The following LAMA3 variants were observed in gnomAD, a reference collection of about 807,000 sequenced individuals.
LAMA3 encodes laminin subunit alpha-3.
A neutral mutation model predicts 402.0 loss-of-function variants in LAMA3; 281 were observed. The observed-to-expected ratio is 0.70, with a 90% CI of 0.63 to 0.77. The LOEUF (loss-of-function observed/expected upper bound fraction) is 0.77, where lower values mean the gene tolerates loss of function less well. LAMA3 is among the 30% of genes least tolerant of loss of function. LAMA3 has a pLI of 0.00. For missense variants in LAMA3, 3,840 were observed against 4,215.5 expected, an observed-to-expected ratio of 0.91 and a Z score of 2.47; for synonymous variants, 1,431 against 1,558.4, an observed-to-expected ratio of 0.92 and a Z score of 1.93.
intron 7 of LAMA3, among the ~76,000 whole-genome samples, chr18:23,761,701 AT>A (rs952735981): frequency 7.9e-5 from 12 of 151,930 alleles, no homozygotes; most frequent in South Asian, 2.1e-4. Context: ...ATTTGGATGT[AT>A]TTTTTTTGAC....
chr18:23,904,091 A>G lies in LAMA3; in HGVS notation c.6473+4A>G. On this transcript the variant is annotated splice_donor_region_variant and intron_variant, in intron 50 of 74. Coordinates refer to ENST00000313654, the MANE Select transcript of LAMA3 (RefSeq NM_198129.4). The stretch of plus-strand genomic sequence containing the variant: ...AGCTGGCAAAGCAGCTGGAAGAGTG[A>G]GTGCATGGCCCAGGAGACCAGAAGG... The G allele has an allele frequency of 6.2e-7, 1 of 1,613,346 alleles. No homozygotes were observed. Among genetic ancestry groups the G allele is most frequent in the Middle Eastern group, 1.9e-4 (1 of 5,384 alleles).
At chr18:23,876,925 G>T (rs938575242) in intron 39 of LAMA3, among the ~76,000 whole-genome samples, 1 of 152,208 alleles carries the variant, frequency 6.6e-6, no homozygotes, top group African/African-American at 2.4e-5. Flanking sequence ...GGAGACTGAG[G>T]CAGGAGAATT....
At chr18:23,883,242 A>G (rs2064960941) in intron 40 of LAMA3, among the ~76,000 whole-genome samples, 1 of 152,178 alleles carries the variant, frequency 6.6e-6, no homozygotes, top group Non-Finnish European at 1.5e-5. Context: ...GTTCTGAGCC[A>G]CTGAGTGATC....
chr18:23,760,461 G>C (rs2061945756), intron 7 of LAMA3, among the ~76,000 whole-genome samples: 2 of 151,750 alleles, frequency 1.3e-5, no homozygotes, highest in Admixed American at 6.6e-5. Flanking sequence ...TAGTCACCTG[G>C]GAAATTGATT....
At chr18:23,901,454 A>G (rs2081069595) in intron 48 of LAMA3, 131 bp downstream of exon 48, 1 of 750,886 alleles carries the variant, frequency 1.3e-6, no homozygotes, top group African/African-American at 1.7e-5. Context: ...GACCCAGATC[A>G]GACAGGAACA....
intron 12 of LAMA3, among the ~76,000 whole-genome samples, chr18:23,795,427 G>C (rs1366989254): frequency 6.6e-6 from 1 of 152,206 alleles, no homozygotes; most frequent in African/African-American, 2.4e-5. Context: ...TCATGAAAAA[G>C]AGTTAAATTA....
intron 52 of LAMA3, among the ~76,000 whole-genome samples, chr18:23,906,805 T>C (rs2145173957): frequency 6.6e-6 from 1 of 152,366 alleles, no homozygotes; most frequent in Middle Eastern, 3.4e-3. Context: ...CGAGGTAGGC[T>C]CAGTGTGCTA....
chr18:23,946,346 G>C, intron 70 of LAMA3, 62 bp downstream of exon 70: 1 of 1,503,078 alleles, frequency 6.7e-7, no homozygotes, highest in Non-Finnish European at 9.3e-7. Flanking sequence ...AGGCATAATT[G>C]TATGAGATAT....
intron 61 of LAMA3, 56 bp from the exon 62 acceptor site, chr18:23,921,396 T>C: frequency 6.3e-7 from 1 of 1,585,102 alleles, no homozygotes; most frequent in Non-Finnish European, 8.6e-7. Flanking sequence ...TGAACCCCTG[T>C]GAATAGGATT....
At chr18:23,783,923 T>G in intron 11 of LAMA3, 100 bp from the exon 12 acceptor site, 1 of 1,441,998 alleles carries the variant, frequency 6.9e-7, no homozygotes, top group Non-Finnish European at 9.8e-7. Flanking sequence ...CATAGATAAT[T>G]AATAATCTAT....
intron 64 of LAMA3, among the ~76,000 whole-genome samples, chr18:23,930,724 A>AAAT (rs535316372): frequency 3.9e-5 from 6 of 152,104 alleles, no homozygotes; most frequent in South Asian, 4.1e-4. Flanking sequence ...ACTCTGTCTC[A>AAAT]AATAATAATA....
intron 74 of LAMA3, 64 bp downstream of exon 74, chr18:23,953,173 A>G (rs2082981156): frequency 9.4e-6 from 15 of 1,602,014 alleles, no homozygotes; most frequent in Non-Finnish European, 1.2e-5. Flanking sequence ...TCACTTCTTA[A>G]TTAGTGGCAG....
At chr18:23,890,912 T>C (rs1468456632) in intron 42 of LAMA3, among the ~76,000 whole-genome samples, 2 of 152,186 alleles carry the variant, frequency 1.3e-5, no homozygotes, top group East Asian at 3.9e-4. Flanking sequence ...GATGGAAATA[T>C]AGAAAGCATG....
intron 32 of LAMA3, among the ~76,000 whole-genome samples, chr18:23,854,888 G>A (rs995232560): frequency 7.3e-5 from 11 of 151,618 alleles, no homozygotes; most frequent in Non-Finnish European, 1.3e-4. Flanking sequence ...GGGAGGCTGA[G>A]GCAGGAGAAT....
chr18:23,819,137 C>T (rs764682627), intron 18 of LAMA3, among the ~76,000 whole-genome samples: 12 of 150,794 alleles, frequency 8.0e-5, no homozygotes, highest in Non-Finnish European at 1.5e-4. Flanking sequence ...GCATTAATCC[C>T]ACTAACTGCT....
intron 58 of LAMA3, among the ~76,000 whole-genome samples, 172 bp downstream of exon 58, chr18:23,915,032 T>C (rs527820974): frequency 1.1e-3 from 161 of 152,326 alleles, no homozygotes; most frequent in Non-Finnish European, 1.4e-3. Context: ...CTGTGCACTG[T>C]TCTAAGCTTT....
Position 23,932,309 on chromosome 18 carries a change from TG to T in LAMA3, c.8708+19del. 1.2e-6 allele frequency: 2 copies of T among 1,613,238 alleles called. No individual in the cohort carries two copies. Among genetic ancestry groups the T allele is most frequent in the South Asian group, 2.2e-5 (2 of 91,040 alleles). ...GTCCAGAGGTAGGTGATCCTCTCTT[TG>T]TGGGTAACTGATGAGAACGGCCTGC... On this transcript the variant is annotated intron_variant, in intron 66 of 74. Transcript: ENST00000313654.
chr18:23,714,050 A>G lies in LAMA3; in HGVS notation c.425A>G (p.Asn142Ser), dbSNP rs2061047501. The change falls in exon 2 of 75, where the codon AAC (asparagine) becomes AGC (serine). Residue 142 changes from asparagine to serine, a missense_variant. By Grantham distance (46) the Asn-to-Ser change is conservative. Transcript: ENST00000313654. The stretch of plus-strand genomic sequence containing the variant: ...TCAGGCACACAGTACAACAGAGTCA[A>G]CCTCACCTTGGATCTGGGGCAGGTG... The part of the protein sequence containing the change: ...LSSGTQYNRV[N>S]LTLDLGQLFH... 1.2e-6 allele frequency: 2 copies of G among 1,614,056 alleles called. No homozygotes were observed. The highest frequency in any genetic ancestry group is 1.7e-6 in the Non-Finnish European group (2 of 1,179,998).
At chr18:23,878,328 C>G (rs147193841) in intron 39 of LAMA3, among the ~76,000 whole-genome samples, 3 of 152,340 alleles carry the variant, frequency 2.0e-5, no homozygotes, top group African/African-American at 7.2e-5. Context: ...TCACTTGTCC[C>G]TAATGGCCAT....
Sources: allele counts gnomAD v4.1 joint callset (sites outside exome capture counted in the v4.1 genomes callset), GRCh38; gene constraint gnomAD v4.1.1; transcripts MANE v1.5; gene names NCBI Gene and HGNC (gene_info 2026-07-23, HGNC 2026-07-21).